Variants in EPB41 observed in about 807,000 individuals in gnomAD.
The protein encoded by EPB41 is protein 4.1.
EPB41 carries 65 observed loss-of-function variants against 108.0 expected under a neutral mutation model. The ratio of observed to expected loss-of-function variants is 0.60; its 90% confidence interval spans 0.49 to 0.74. EPB41 has a LOEUF of 0.74. EPB41 is among the 30% of genes least tolerant of loss of function. EPB41 has a pLI of 0.00. For missense variants in EPB41, 875 were observed against 1,037.0 expected (o/e 0.84, Z 2.15); for synonymous variants, 336 against 358.9 (o/e 0.94, Z 0.72).
At chr1:29,092,263 A>G (rs1661522973) in intron 16 of EPB41, among the ~76,000 whole-genome samples, 1 of 151,746 alleles carries the variant, frequency 6.6e-6, no homozygotes, top group South Asian at 2.1e-4. Context: ...ACGCCTGGCT[A>G]ATTTTGTATT....
chr1:28,951,475 C>G (rs1360886660), intron 1 of EPB41, among the ~76,000 whole-genome samples: 3 of 151,968 alleles, frequency 2.0e-5, no homozygotes, highest in Non-Finnish European at 4.4e-5. Context: ...TCAGAAAAGA[C>G]TTGAAGTGAG....
intron 12 of EPB41, 64 bp from the exon 13 acceptor site, chr1:29,058,525 C>A: frequency 7.0e-7 from 1 of 1,423,432 alleles, no homozygotes; most frequent in Non-Finnish European, 9.8e-7. Flanking sequence ...TATTTGGAAA[C>A]AACACTATTC....
At position 28,982,452 on chromosome 1, in the gene EPB41, C is replaced by T. The variant is rs2095776520; in HGVS notation, c.-7-4979C>T. 5 of 765,900 alleles carry T rather than the reference C, an allele frequency of 6.5e-6. No individual in the cohort carries two copies. The South Asian group carries it at 6.7e-5, about 10-fold the overall frequency. The allele number at this position is 765,900 out of a possible 1,614,324, so 47.4% of individuals were successfully genotyped here. ...TCTTCTTCTTGCCCATGGCAGCTGT[C>T]ACTTTGCAGGGGTAGTGGTCAATTC... On this transcript the variant is annotated intron_variant, in intron 1 of 20. Coordinates refer to ENST00000343067, the MANE Select transcript of EPB41 (RefSeq NM_001376013.1).
At chr1:28,940,034 G>A (rs2094209367) in intron 1 of EPB41, among the ~76,000 whole-genome samples, 2 of 152,136 alleles carry the variant, frequency 1.3e-5, no homozygotes, top group South Asian at 2.1e-4. Context: ...GATGTCTGGT[G>A]CCTCAACTTG....
At chr1:29,012,051 A>T in intron 5 of EPB41, 144 bp downstream of exon 5, 1 of 823,514 alleles carries the variant, frequency 1.2e-6, no homozygotes, top group East Asian at 2.6e-5. Context: ...CTTCTCCTGG[A>T]AGGAGGAGAT....
intron 16 of EPB41, among the ~76,000 whole-genome samples, chr1:29,084,904 G>A (rs1402769138): frequency 6.6e-6 from 1 of 152,144 alleles, no homozygotes; most frequent in African/African-American, 2.4e-5. Flanking sequence ...AACAAAAGCT[G>A]AAAGGAAGCC....
At chr1:28,904,190 A>G (rs1046129213) in intron 1 of EPB41, among the ~76,000 whole-genome samples, 3 of 147,022 alleles carry the variant, frequency 2.0e-5, no homozygotes, top group African/African-American at 5.0e-5. Context: ...TTTTTTTTAA[A>G]CTTTTTCTTG....
intron 15 of EPB41, among the ~76,000 whole-genome samples, chr1:29,061,379 G>C (rs1341401857): frequency 6.6e-6 from 1 of 151,828 alleles, no homozygotes; most frequent in Non-Finnish European, 1.5e-5. Flanking sequence ...ACGCCATTCT[G>C]CTGCCTCAGC....
chr1:29,096,300 T>G (rs926618918), intron 16 of EPB41: 1 of 985,764 alleles, frequency 1.0e-6, no homozygotes, highest in African/African-American at 1.7e-5. Flanking sequence ...CTGCAAAGCT[T>G]TGCCTTTGGC....
At chr1:29,000,097 A>C (rs1354540432) in intron 4 of EPB41, among the ~76,000 whole-genome samples, 1 of 150,258 alleles carries the variant, frequency 6.7e-6, no homozygotes, top group Non-Finnish European at 1.5e-5. Flanking sequence ...CCACTATTGT[A>C]ATTAGTTTTT....
intron 11 of EPB41, chr1:29,041,138 A>ATAAATAAAT (rs912912780): frequency 8.4e-6 from 1 of 119,636 alleles, no homozygotes; most frequent in African/African-American, 3.4e-5. Context: ...TGTCTCATAA[A>ATAAATAAAT]TAAATAAATT....
chr1:29,109,804 C>CA (rs1331069091), intron 18 of EPB41: 2 of 343,130 alleles, frequency 5.8e-6, no homozygotes, highest in Non-Finnish European at 1.1e-5. Context: ...GAGGCCAAGG[C>CA]AGGTGGATCA....
At chr1:29,029,911 C>G (rs1015674945) in intron 7 of EPB41, among the ~76,000 whole-genome samples, 4 of 152,194 alleles carry the variant, frequency 2.6e-5, no homozygotes, top group Non-Finnish European at 5.9e-5. Flanking sequence ...TAAGTAACAT[C>G]AGCTGCCCTC....
At chr1:29,039,596 T>C (rs1640726518) in intron 11 of EPB41, among the ~76,000 whole-genome samples, 170 bp downstream of exon 11, 1 of 152,166 alleles carries the variant, frequency 6.6e-6, no homozygotes, top group South Asian at 2.1e-4. Context: ...GTGGATTGCC[T>C]GAGCTCAGGA....
intron 1 of EPB41, among the ~76,000 whole-genome samples, chr1:28,929,058 C>T (rs754927644): frequency 1.2e-4 from 18 of 151,964 alleles, no homozygotes; most frequent in Non-Finnish European, 2.1e-4. Flanking sequence ...TTAGAACTGC[C>T]GAAATGATCA....
upstream of EPB41, among the ~76,000 whole-genome samples, chr1:28,910,358 G>A (rs2092174033): frequency 6.6e-6 from 1 of 152,176 alleles, no homozygotes; most frequent in Admixed American, 6.5e-5. Flanking sequence ...GCCATAGGCA[G>A]GATGGCAAGC....
rs189506680 is a variant in EPB41, at chr1:29,083,069, A to G, written c.2185-14738A>G. Among the ~76,000 whole-genome samples, 407 of 152,302 alleles carry G rather than the reference A, an allele frequency of 2.7e-3. 1 individual carries two copies. Among genetic ancestry groups the G allele is most frequent in the African/African-American group, 9.2e-3 (383 of 41,548 alleles). On this transcript the variant is annotated intron_variant, in intron 16 of 20. Coordinates refer to ENST00000343067, the MANE Select transcript of EPB41 (RefSeq NM_001376013.1). ...GATTTTATACAAATGTAATCTTTAT[A>G]TACCAGAGAATAGCAATAGACTGTG...
At position 29,109,341 on chromosome 1, in the gene EPB41, C is replaced by G. The variant is rs753698117; in HGVS notation, c.2319C>G (p.Asp773Glu). Reference protein sequence around the residue: ...KTITYEAAQTDDNSGDLDPGV... With the variant: ...KTITYEAAQTEDNSGDLDPGV... Reference sequence around the variant, plus strand: ...AGCCATGCTTTCTTCTGCAGACTGACGACAACAGTGGAGACTTGGACCCAG... The same window carrying G: ...AGCCATGCTTTCTTCTGCAGACTGAGGACAACAGTGGAGACTTGGACCCAG... The change falls in exon 18 of 21, where the codon GAC (aspartate) becomes GAG (glutamate). Residue 773 changes from aspartate (D) to glutamate (E), a missense_variant. Around this residue, in one of 3 missense-constraint regions of EPB41, gnomAD observed 519 missense variants for 627.3 expected, o/e 0.83. Transcript: ENST00000343067. 3.7e-6 allele frequency: 6 copies of G among 1,613,766 alleles called. No individual in the cohort carries two copies. Among genetic ancestry groups the G allele is most frequent in the Admixed American group, 1.7e-5 (1 of 60,016 alleles).
chr1:28,980,237 C>T (rs905357813), intron 1 of EPB41, among the ~76,000 whole-genome samples: 5 of 151,948 alleles, frequency 3.3e-5, no homozygotes, highest in Non-Finnish European at 7.4e-5. Flanking sequence ...ACTTAGGAGG[C>T]TGAGGTAGAA....
Sources: gnomAD v4.1 joint callset for allele counts (sites outside exome capture counted in the v4.1 genomes callset) on GRCh38, gnomAD v4.1.1 for gene constraint, gnomAD v4.1.1 regional missense constraint, MANE v1.5 for transcripts, NCBI Gene and HGNC (gene_info 2026-07-23, HGNC 2026-07-21) for gene names.